The following KCNAB1 variants were observed in gnomAD, a reference collection of about 807,000 sequenced individuals.
The protein encoded by KCNAB1 is voltage-gated potassium channel subunit beta-1.
KCNAB1 carries 35 observed loss-of-function variants against 64.6 expected under a neutral mutation model. That is an observed-to-expected ratio of 0.54 (90% CI 0.41 to 0.72). The LOEUF is 0.72. Ranked by LOEUF, KCNAB1 falls within the 30% of genes least tolerant of loss-of-function variation. KCNAB1 has a pLI of 0.00. For missense variants in KCNAB1, 401 were observed against 512.9 expected (o/e 0.78, Z 2.11); for synonymous variants, 177 against 183.8 (o/e 0.96, Z 0.30).
chr3:156,430,208 T>G (rs565244997), intron 2 of KCNAB1, among the ~76,000 whole-genome samples: 15 of 152,330 alleles, frequency 9.8e-5, no homozygotes, highest in African/African-American at 3.6e-4. Flanking sequence ...ATAGCTTAGG[T>G]AGGAGTGTGG....
intron 1 of KCNAB1, among the ~76,000 whole-genome samples, chr3:156,254,206 T>C (rs1228463372): frequency 6.6e-6 from 1 of 152,246 alleles, no homozygotes; most frequent in Non-Finnish European, 1.5e-5. Flanking sequence ...AGATGTAGTT[T>C]ATGTGAATAA....
intron 1 of KCNAB1, among the ~76,000 whole-genome samples, chr3:156,279,037 A>G (rs1719529465): frequency 6.6e-6 from 1 of 151,944 alleles, no homozygotes; most frequent in African/African-American, 2.4e-5. Context: ...ACATATGTAT[A>G]CATGTGCCAT....
chr3:156,187,896 T>C (rs1471727261), intron 1 of KCNAB1, among the ~76,000 whole-genome samples: 2 of 152,226 alleles, frequency 1.3e-5, no homozygotes, highest in Admixed American at 1.3e-4. Flanking sequence ...TCCCAATTTA[T>C]AGCTTAATTT....
intron 8 of KCNAB1, among the ~76,000 whole-genome samples, chr3:156,496,292 C>T (rs1475600404): frequency 6.6e-6 from 1 of 152,128 alleles, no homozygotes; most frequent in Non-Finnish European, 1.5e-5. Flanking sequence ...CTCCCATAAT[C>T]CCCACGTGTC....
chr3:156,118,847 G>A (rs1480739128), upstream of KCNAB1, among the ~76,000 whole-genome samples: 10 of 152,210 alleles, frequency 6.6e-5, no homozygotes, highest in Non-Finnish European at 1.5e-5. Flanking sequence ...ACACTTCGGG[G>A]AGTCTAGTTG....
intron 1 of KCNAB1, among the ~76,000 whole-genome samples, chr3:156,293,485 C>T (rs539101004): frequency 1.3e-5 from 2 of 152,262 alleles, no homozygotes; most frequent in East Asian, 3.9e-4. Context: ...AAAAGTTGCC[C>T]TTGAAAAAAT....
At chr3:156,421,984 C>T (rs1715495533) in intron 2 of KCNAB1, among the ~76,000 whole-genome samples, 1 of 152,118 alleles carries the variant, frequency 6.6e-6, no homozygotes, top group Non-Finnish European at 1.5e-5. Flanking sequence ...AGGTTCAGTT[C>T]ACCACTCCCT....
At position 156,291,018 on chromosome 3, in the gene KCNAB1, C is replaced by A. The variant is rs1018679167; in HGVS notation, c.276-130598C>A. 9.4e-5 allele frequency: 93 copies of A among 985,596 alleles called. No individual in the cohort carries two copies. The Admixed American group carries it at 9.8e-4, about 10-fold the overall frequency. The allele number at this position is 985,596 out of a possible 1,614,324, so 61.1% of individuals were successfully genotyped here. A position where few individuals can be genotyped will look rare whatever the true frequency, so the allele number is the denominator to read the frequency against. On this transcript the variant is annotated intron_variant, in intron 1 of 13. Coordinates refer to ENST00000490337, the MANE Select transcript of KCNAB1 (RefSeq NM_172160.3). ...CTGGCGTGTTCCGCGGCATAAGCAC[C>A]CCCTCTCTGCCTTCCCCCAGTTCCA...
intron 1 of KCNAB1, among the ~76,000 whole-genome samples, chr3:156,312,729 A>AAAAAAAAAAC (rs1560189800): frequency 2.0e-5 from 3 of 150,096 alleles, no homozygotes; most frequent in Non-Finnish European, 4.5e-5. Context: ...AAAAAAAAAA[A>AAAAAAAAAAC]AACTCATAAT....
chr3:156,522,524 CT>C (rs1361379075), intron 11 of KCNAB1, among the ~76,000 whole-genome samples: 14 of 152,230 alleles, frequency 9.2e-5, no homozygotes, highest in Admixed American at 8.5e-4. Context: ...GCTGGGAAAA[CT>C]TTAGCCATCT....
At chr3:156,492,434 T>C (rs1022264850) in intron 8 of KCNAB1, among the ~76,000 whole-genome samples, 1 of 152,122 alleles carries the variant, frequency 6.6e-6, no homozygotes, top group Non-Finnish European at 1.5e-5. Flanking sequence ...CATTCCACTT[T>C]TTTTTAGCAC....
chr3:156,290,969 A>G, intron 1 of KCNAB1: 1 of 985,480 alleles, frequency 1.0e-6, no homozygotes, highest in African/African-American at 1.7e-5. Flanking sequence ...CAAGCCAGTC[A>G]CAGAGTATTC....
intron 1 of KCNAB1, among the ~76,000 whole-genome samples, chr3:156,195,581 T>C (rs1487123961): frequency 1.3e-5 from 2 of 152,254 alleles, no homozygotes; most frequent in Non-Finnish European, 2.9e-5. Context: ...TGCATAAATG[T>C]ATTCTTTTGA....
At chr3:156,249,424 T>G (rs1717678391) in intron 1 of KCNAB1, among the ~76,000 whole-genome samples, 1 of 151,856 alleles carries the variant, frequency 6.6e-6, no homozygotes, top group Admixed American at 6.6e-5. Context: ...ATACAAAAAT[T>G]AGCCAGGCAT....
intron 1 of KCNAB1, among the ~76,000 whole-genome samples, chr3:156,221,064 C>T (rs984475290): frequency 3.7e-4 from 56 of 152,252 alleles, no homozygotes; most frequent in African/African-American, 1.1e-3. Context: ...CTGTTCTGTT[C>T]CATTGGTCTA....
intron 1 of KCNAB1, among the ~76,000 whole-genome samples, chr3:156,239,152 A>G (rs1717024733): frequency 6.6e-6 from 1 of 152,254 alleles, no homozygotes; most frequent in Non-Finnish European, 1.5e-5. Flanking sequence ...TGTGGAATAC[A>G]TAATAAATTT....
intron 12 of KCNAB1, among the ~76,000 whole-genome samples, chr3:156,526,863 A>C (rs2108416104): frequency 5.7e-5 from 1 of 17,476 alleles, no homozygotes; most frequent in Non-Finnish European, 1.4e-4. Flanking sequence ...ATTCTAGACA[A>C]AAAAAAAAAA....
At chr3:156,439,538 C>T (rs952576598) in intron 2 of KCNAB1, among the ~76,000 whole-genome samples, 11 of 152,348 alleles carry the variant, frequency 7.2e-5, no homozygotes, top group African/African-American at 2.4e-4. Flanking sequence ...CTCCATCTCA[C>T]TTTGACACTA....
chr3:156,501,322 A>G (rs1056402031), intron 8 of KCNAB1, among the ~76,000 whole-genome samples: 1 of 151,208 alleles, frequency 6.6e-6, no homozygotes, highest in African/African-American at 2.4e-5. Flanking sequence ...CAAGGAGTAT[A>G]TGGTATATGA....
Sources: allele counts gnomAD v4.1 joint callset (sites outside exome capture counted in the v4.1 genomes callset), GRCh38; gene constraint gnomAD v4.1.1; transcripts MANE v1.5; gene names NCBI Gene and HGNC (gene_info 2026-07-23, HGNC 2026-07-21).